The following ABHD12 variants were observed in gnomAD, a reference collection of about 807,000 sequenced individuals.
ABHD12 encodes abhydrolase domain containing 12, lysophospholipase.
ABHD12 carries 43 observed loss-of-function variants against 58.3 expected under a neutral mutation model. That is an observed-to-expected ratio of 0.74 (90% confidence interval 0.58 to 0.95). The LOEUF is 0.95. Ranked by LOEUF, ABHD12 falls within the 40% of genes least tolerant of loss-of-function variation. ABHD12 has a pLI of 0.00. For missense variants in ABHD12, 539 were observed against 537.2 expected, an observed-to-expected ratio of 1.00 and a Z score of -0.03; for synonymous variants, 219 against 211.2, an observed-to-expected ratio of 1.04 and a Z score of -0.32.
At chr20:25,323,218 A>G in intron 3 of ABHD12, 107 bp downstream of exon 3, 1 of 783,828 alleles carries the variant, frequency 1.3e-6, no homozygotes, top group Non-Finnish European at 2.3e-6. Flanking sequence ...AGAGGTGAAG[A>G]TAAAAATGAA....
intron 1 of ABHD12, among the ~76,000 whole-genome samples, chr20:25,366,917 C>G (rs759474299): frequency 4.6e-5 from 7 of 152,166 alleles, no homozygotes; most frequent in Non-Finnish European, 1.0e-4. Context: ...CCACACACCT[C>G]TCTTCTTTTT....
chr20:25,338,815 C>T, intron 2 of ABHD12: 4 of 1,010,882 alleles, frequency 4.0e-6, no homozygotes, highest in East Asian at 1.9e-4. Flanking sequence ...TCCTGGAATG[C>T]ACAACTGACA....
downstream of ABHD12, among the ~76,000 whole-genome samples, chr20:25,299,330 G>A (rs2088597633): frequency 6.6e-6 from 1 of 152,190 alleles, no homozygotes; most frequent in South Asian, 2.1e-4. Context: ...GAGCCCAGGA[G>A]GTGAAGTTGC....
Position 25,380,030 on chromosome 20 carries a change from C to T in ABHD12, c.191+10483G>A, listed in dbSNP as rs377139827. On this transcript the variant is annotated intron_variant, in intron 1 of 12. Coordinates refer to ENST00000339157, the MANE Select transcript of ABHD12 (RefSeq NM_001042472.3). ...TGTGCCACCGCACCTGGCCTTGTAA[C>T]GATGCTTTTGAAAATTTGTTTGGTT... 4.6e-5 allele frequency among the ~76,000 whole-genome samples: 7 copies of T among 152,236 alleles called. No homozygotes were observed. The South Asian group carries it at 1.2e-3, about 27-fold the overall frequency.
At chr20:25,294,892 G>A in exon 13 of ABHD12, 1 of 1,499,776 alleles carries the variant, frequency 6.7e-7, no homozygotes, top group Admixed American at 1.7e-5. Flanking sequence ...GAATTCACCT[G>A]CCCTCCACTT....
chr20:25,315,118 C>T lies in ABHD12; in HGVS notation c.574-148G>A, dbSNP rs73904062. 8.1e-4 allele frequency: 699 copies of T among 859,086 alleles called. 3 individuals are homozygous for T. The African/African-American group carries it at 0.011, about 14-fold the overall frequency. 53.2% of individuals were successfully genotyped at this position (859,086 alleles called of 1,614,324 possible). ...AAAGACTGTGACATGCTGCCTGACT[C>T]CTGGCTGGGTTTTATGAAACCAAGA... On this transcript the variant is annotated intron_variant, in intron 5 of 12. Coordinates refer to ENST00000339157, the MANE Select transcript of ABHD12 (RefSeq NM_001042472.3).
chr20:25,308,337 GC>G, intron 8 of ABHD12, 119 bp downstream of exon 8: 5 of 1,317,878 alleles, frequency 3.8e-6, no homozygotes, highest in African/African-American at 1.5e-5. Flanking sequence ...TCAGCCCCGG[GC>G]CCCCCAGAAT....
chr20:25,384,444 A>C (rs1483304785), intron 1 of ABHD12, among the ~76,000 whole-genome samples: 3 of 151,626 alleles, frequency 2.0e-5, no homozygotes, highest in South Asian at 4.2e-4. Context: ...CAAAAAAAAA[A>C]CTATATAAAC....
intron 3 of ABHD12, among the ~76,000 whole-genome samples, chr20:25,321,207 C>T (rs1437791882): frequency 1.3e-5 from 2 of 152,234 alleles, no homozygotes; most frequent in African/African-American, 2.4e-5. Context: ...AGGGATAGGA[C>T]GTCACATTTT....
rs1417348690 is a variant in ABHD12, at chr20:25,378,433, T to C, written c.191+12080A>G. ...TGGCATTGACAGGGCCACTTTCAGG[T>C]AGGAGCAATGTGGTTATCCAGGACC... On this transcript the variant is annotated intron_variant, in intron 1 of 12. Coordinates refer to ENST00000339157, the MANE Select transcript of ABHD12 (RefSeq NM_001042472.3). Among the ~76,000 whole-genome samples, 4 of 152,202 alleles carry C rather than the reference T, an allele frequency of 2.6e-5. 1 individual carries two copies. Among genetic ancestry groups the C allele is most frequent in the East Asian group, 1.9e-4 (1 of 5,186 alleles).
intron 7 of ABHD12, 27 bp downstream of exon 7, chr20:25,309,419 A>C: frequency 6.2e-7 from 1 of 1,613,764 alleles, no homozygotes; most frequent in Non-Finnish European, 8.5e-7. Flanking sequence ...CTCCCACTAA[A>C]GGCTGCCTCC....
At chr20:25,303,286 T>C in intron 11 of ABHD12, 19 of 1,307,226 alleles carry the variant, frequency 1.5e-5, no homozygotes, top group Non-Finnish European at 1.8e-5. Flanking sequence ...CTGGGAACTA[T>C]CTGCTTATTT....
intron 1 of ABHD12, among the ~76,000 whole-genome samples, chr20:25,382,127 G>A (rs1023195506): frequency 3.3e-5 from 5 of 152,170 alleles, no homozygotes; most frequent in African/African-American, 1.2e-4. Context: ...CAAACTCAGA[G>A]TGTTACACAA....
At chr20:25,331,600 A>G (rs1283735221) in intron 2 of ABHD12, among the ~76,000 whole-genome samples, 1 of 152,182 alleles carries the variant, frequency 6.6e-6, no homozygotes, top group Non-Finnish European at 1.5e-5. Context: ...GACTAAAAGC[A>G]GACCTCTCGG....
At chr20:25,389,632 T>G (rs1229477467) in intron 1 of ABHD12, among the ~76,000 whole-genome samples, 1 of 152,134 alleles carries the variant, frequency 6.6e-6, no homozygotes, top group Non-Finnish European at 1.5e-5. Flanking sequence ...CACGTTCCCA[T>G]CTCAGTTTTG....
intron 1 of ABHD12, among the ~76,000 whole-genome samples, chr20:25,346,465 A>G (rs189139819): frequency 6.6e-6 from 1 of 152,228 alleles, no homozygotes; most frequent in African/African-American, 2.4e-5. Flanking sequence ...AATGCAAACT[A>G]TGGATTTGGG....
intron 1 of ABHD12, among the ~76,000 whole-genome samples, chr20:25,386,743 T>C (rs2090096255): frequency 6.6e-6 from 1 of 151,896 alleles, no homozygotes; most frequent in African/African-American, 2.4e-5. Flanking sequence ...TAGCCGGGCA[T>C]GGTGGCAGGT....
intron 1 of ABHD12, among the ~76,000 whole-genome samples, chr20:25,345,650 C>T (rs1438264632): frequency 1.3e-5 from 2 of 152,106 alleles, no homozygotes; most frequent in Non-Finnish European, 2.9e-5. Flanking sequence ...GAACAGACAC[C>T]TCTCCAAAGA....
At chr20:25,382,596 C>T (rs1443059066) in intron 1 of ABHD12, among the ~76,000 whole-genome samples, 2 of 152,146 alleles carry the variant, frequency 1.3e-5, no homozygotes, top group Admixed American at 1.3e-4. Flanking sequence ...AAATGAGGTC[C>T]TGTCTCCATC....
Sources: allele counts gnomAD v4.1 joint callset (sites outside exome capture counted in the v4.1 genomes callset), GRCh38; gene constraint gnomAD v4.1.1; transcripts MANE v1.5; gene names NCBI Gene and HGNC (gene_info 2026-07-23, HGNC 2026-07-21).